BIRC6: variants seen among roughly 807,000 people sequenced by gnomAD.
The protein encoded by BIRC6 is dual E2 ubiquitin-conjugating enzyme/E3 ubiquitin-protein ligase BIRC6.
In BIRC6, 98 loss-of-function variants were observed where a neutral mutation model predicts 503.3. The ratio of observed to expected loss-of-function variants is 0.19; its 90% CI spans 0.17 to 0.23. The LOEUF is 0.23. BIRC6 is among the 10% of genes least tolerant of loss of function. The pLI is 1.00. For missense variants in BIRC6, 5,360 were observed against 5,806.0 expected (o/e 0.92, Z 2.50); for synonymous variants, 2,240 against 2,078.7 (o/e 1.08, Z -2.11).
In BIRC6 at chr2:32,617,873, G is replaced by A; in HGVS notation, c.14543G>A (p.Ser4848Asn). ...LMHDQVKPSS[S>N]KELPSDFQL is the part of the protein sequence containing the mutation. ...CATGATCAGGTTAAACCCAGCAGCA[G>A]CAAAGAACTCCCCAGTGACTTCCAG... The change falls in exon 74 of 74, where the codon AGC becomes AAC. Residue 4848 changes from serine (S) to asparagine (N), a missense_variant. Physicochemically the swap from Ser to Asn is conservative, Grantham distance 46. Coordinates refer to ENST00000421745, the MANE Select transcript of BIRC6 (RefSeq NM_016252.4). The A allele has an allele frequency of 1.9e-6, 3 of 1,613,608 alleles. No homozygotes were observed. The highest frequency in any genetic ancestry group is 1.1e-5 in the South Asian group (1 of 90,992).
chr2:32,463,638 A>G (rs576027283), intron 24 of BIRC6, among the ~76,000 whole-genome samples: 3 of 152,338 alleles, frequency 2.0e-5, no homozygotes, highest in African/African-American at 7.2e-5. Flanking sequence ...CATTCTCTAC[A>G]CACTCGATCA....
At chr2:32,568,979 TC>T in intron 65 of BIRC6, among the ~76,000 whole-genome samples, 1 of 136,330 alleles carries the variant, frequency 7.3e-6, no homozygotes, top group East Asian at 2.0e-4. Context: ...CTCCCATGTC[TC>T]TCTCTTTTTT....
chr2:32,569,270 T>G (rs2059761794), intron 65 of BIRC6, among the ~76,000 whole-genome samples: 1 of 152,212 alleles, frequency 6.6e-6, no homozygotes, highest in South Asian at 2.1e-4. Context: ...ATTATAGGCG[T>G]GAGCCACCGC....
At position 32,513,172 on chromosome 2, in the gene BIRC6, A is replaced by G; in HGVS notation, c.10568+18A>G. 2 of 1,588,640 alleles carry G rather than the reference A, an allele frequency of 1.3e-6. No homozygotes were observed. The highest frequency in any genetic ancestry group is 2.2e-5 in the South Asian group (2 of 90,390). On this transcript the variant is annotated intron_variant, in intron 54 of 73. Coordinates refer to ENST00000421745, the MANE Select transcript of BIRC6 (RefSeq NM_016252.4). ...CTCTTTGAGTAAGTATGATTTGTGA[A>G]ATCTTTTTTATCCCCCAGTACTAGA... is the stretch of plus-strand genomic sequence containing the variant.
chr2:32,418,810 T>C (rs553890924), intron 10 of BIRC6, among the ~76,000 whole-genome samples: 261 of 152,318 alleles, frequency 1.7e-3, no homozygotes, highest in African/African-American at 6.0e-3. Context: ...TGGCCAGGTG[T>C]GGTGGTGCAT....
chr2:32,401,542 G>A lies in BIRC6; in HGVS notation c.1337G>A (p.Gly446Glu). ...ATTCTATCAGGAGACCCAAGCTCAG[G>A]AGTTGATTCAAGGAGACCAACTTTG... ...QLILSGDPSS[G>E]VDSRRPTLAW... The change falls in exon 8 of 74, where the codon GGA becomes GAA. Residue 446 changes from glycine to glutamate, a missense_variant. Around this residue, in one of 16 missense-constraint regions of BIRC6, gnomAD observed 700 missense variants for 739.3 expected, o/e 0.95. Coordinates refer to ENST00000421745, the MANE Select transcript of BIRC6 (RefSeq NM_016252.4). 4 of 1,614,004 alleles carry A rather than the reference G, an allele frequency of 2.5e-6. No homozygotes were observed. Among genetic ancestry groups the A allele is most frequent in the Non-Finnish European group, 2.5e-6 (3 of 1,179,886 alleles).
chr2:32,426,529 A>G (rs1331803070), intron 10 of BIRC6, among the ~76,000 whole-genome samples: 3 of 152,258 alleles, frequency 2.0e-5, no homozygotes, highest in African/African-American at 7.2e-5. Context: ...ACTTGAACCC[A>G]GGAGGCGGAG....
rs1289793264 is a variant in BIRC6, at chr2:32,357,169, C to T, written c.8C>T (p.Thr3Ile). Residue 3 changes from threonine to isoleucine, a missense_variant, in exon 1 of 74, where the codon ACT becomes ATT. Coordinates refer to ENST00000421745, the MANE Select transcript of BIRC6 (RefSeq NM_016252.4). This position sits in a 1 kb window ranked among gnomAD's most constrained non-coding sequence, Gnocchi z 4.9. ...CTTGCCCCCTGGCCCCGGATGGTGACTGGTGGTGGTGCTGCACCTCCCGGG... is the reference window on the plus strand; with the variant it reads ...CTTGCCCCCTGGCCCCGGATGGTGATTGGTGGTGGTGCTGCACCTCCCGGG... MVTGGGAAPPGTV... is the reference protein window; with the variant it reads MVIGGGAAPPGTV... The T allele has an allele frequency of 2.0e-6, 3 of 1,521,834 alleles. No individual in the cohort carries two copies. Among genetic ancestry groups the T allele is most frequent in the East Asian group, 5.4e-5 (2 of 37,206 alleles). 94.3% of individuals were successfully genotyped at this position (1,521,834 alleles called of 1,614,324 possible). A position where few individuals can be genotyped will look rare whatever the true frequency, so the allele number is the denominator to read the frequency against.
At chr2:32,404,287 T>TG (rs2040940323) in intron 8 of BIRC6, among the ~76,000 whole-genome samples, 1 of 152,140 alleles carries the variant, frequency 6.6e-6, no homozygotes, top group South Asian at 2.1e-4. Flanking sequence ...ACAATTCATG[T>TG]AAGTGTACAA....
At chr2:32,580,725 T>C (rs2060615599) in intron 66 of BIRC6, among the ~76,000 whole-genome samples, 1 of 152,190 alleles carries the variant, frequency 6.6e-6, no homozygotes, top group Non-Finnish European at 1.5e-5. Flanking sequence ...TTCATCTGTT[T>C]TGTCTCAGCA....
chr2:32,388,415 A>G (rs2038787180), intron 3 of BIRC6, among the ~76,000 whole-genome samples: 1 of 151,672 alleles, frequency 6.6e-6, no homozygotes, highest in Non-Finnish European at 1.5e-5. Flanking sequence ...ACAATACATG[A>G]TTAGTAACTG....
At chr2:32,471,851 C>G (rs2049146166) in intron 32 of BIRC6, among the ~76,000 whole-genome samples, 1 of 152,000 alleles carries the variant, frequency 6.6e-6, no homozygotes, top group Non-Finnish European at 1.5e-5. Flanking sequence ...ATTTGGAATT[C>G]TGTACATTGT....
intron 66 of BIRC6, among the ~76,000 whole-genome samples, chr2:32,582,975 A>C (rs2060782996): frequency 6.6e-6 from 1 of 152,158 alleles, no homozygotes; most frequent in South Asian, 2.1e-4. Context: ...TTATTTTTGA[A>C]ACAGTAGACT....
chr2:32,555,405 C>T (rs1413876826), intron 65 of BIRC6, among the ~76,000 whole-genome samples: 3 of 152,082 alleles, frequency 2.0e-5, no homozygotes, highest in South Asian at 2.1e-4. Context: ...CTTTGGGAGG[C>T]CGACCCGGGC....
intron 54 of BIRC6, among the ~76,000 whole-genome samples, 171 bp downstream of exon 54, chr2:32,513,325 G>C (rs923259287): frequency 3.3e-5 from 5 of 152,150 alleles, no homozygotes; most frequent in Admixed American, 1.3e-4. Context: ...ATTTATCTTT[G>C]TGTTTTAAGA....
At chr2:32,435,655 C>A in intron 14 of BIRC6, 70 bp downstream of exon 14, 2 of 1,433,010 alleles carry the variant, frequency 1.4e-6, no homozygotes, top group Non-Finnish European at 1.8e-6. Flanking sequence ...ACATGTCGGG[C>A]AAGATTTCCT....
chr2:32,590,103 A>AT (rs1027677864), intron 66 of BIRC6, among the ~76,000 whole-genome samples: 3 of 152,220 alleles, frequency 2.0e-5, no homozygotes, highest in African/African-American at 7.2e-5. Flanking sequence ...TTACTGGTGC[A>AT]TTTCAAGAAT....
At chr2:32,568,617 G>C (rs536986771) in intron 65 of BIRC6, among the ~76,000 whole-genome samples, 33 of 152,092 alleles carry the variant, frequency 2.2e-4, no homozygotes, top group African/African-American at 7.0e-4. Context: ...GTTCGAGGCG[G>C]GCAGTCACTT....
intron 1 of BIRC6, among the ~76,000 whole-genome samples, chr2:32,372,935 A>G (rs116273567): frequency 6.6e-6 from 1 of 152,198 alleles, no homozygotes; most frequent in Non-Finnish European, 1.5e-5. Context: ...TTGTGTGAAC[A>G]TAAGCTTTTA....
Sources: gnomAD v4.1 joint callset for allele counts (sites outside exome capture counted in the v4.1 genomes callset) on GRCh38, gnomAD v4.1.1 for gene constraint, gnomAD v4.1.1 regional missense constraint, Gnocchi (gnomAD v3.1) non-coding constraint, MANE v1.5 for transcripts, NCBI Gene and HGNC (gene_info 2026-07-23, HGNC 2026-07-21) for gene names.